EPHB2: variants seen among roughly 807,000 people sequenced by gnomAD.
EPHB2 encodes the protein ephrin type-B receptor 2.
EPHB2 carries 18 observed loss-of-function variants against 96.4 expected under a neutral mutation model. The observed-to-expected ratio is 0.19, with a 90% CI of 0.13 to 0.28. The LOEUF (loss-of-function observed/expected upper bound fraction) is 0.28. Among genes scored for constraint, EPHB2 ranks in the 10% least tolerant of loss-of-function variants. The pLI, the probability that EPHB2 is intolerant of heterozygous loss-of-function variation, is 1.00. For synonymous variants in EPHB2, 506 were observed against 534.1 expected, an observed-to-expected ratio of 0.95 and a Z score of 0.72; for missense variants, 989 against 1,355.4, an observed-to-expected ratio of 0.73 and a Z score of 4.25.
intron 3 of EPHB2, among the ~76,000 whole-genome samples, chr1:22,787,556 C>G (rs1644630315): frequency 6.6e-6 from 1 of 152,078 alleles, no homozygotes; most frequent in African/African-American, 2.4e-5. Context: ...TTCAGACCAA[C>G]CTGGGCAACA....
intron 1 of EPHB2, among the ~76,000 whole-genome samples, chr1:22,758,407 G>A (rs1279388127): frequency 1.3e-5 from 2 of 151,968 alleles, no homozygotes; most frequent in African/African-American, 2.4e-5. Flanking sequence ...CTAGGCAGTT[G>A]GATGATATGG....
chr1:22,900,483 G>A (rs1323957175), intron 9 of EPHB2, among the ~76,000 whole-genome samples: 2 of 152,038 alleles, frequency 1.3e-5, no homozygotes, highest in African/African-American at 2.4e-5. Flanking sequence ...GGAAACTGAG[G>A]CACAGAGGTT....
At chr1:22,908,785 G>A (rs1639997918) in intron 12 of EPHB2, among the ~76,000 whole-genome samples, 1 of 152,210 alleles carries the variant, frequency 6.6e-6, no homozygotes, top group South Asian at 2.1e-4. Flanking sequence ...TGGGAGCTCA[G>A]AAAGGCTTTT....
chr1:22,729,291 G>A (rs1643652275), intron 1 of EPHB2, among the ~76,000 whole-genome samples: 1 of 152,182 alleles, frequency 6.6e-6, no homozygotes, highest in Non-Finnish European at 1.5e-5. Flanking sequence ...CTTTTGTCTT[G>A]AAATCTCCAA....
chr1:22,753,884 G>A (rs1251020711), intron 1 of EPHB2, among the ~76,000 whole-genome samples: 1 of 152,110 alleles, frequency 6.6e-6, no homozygotes, highest in African/African-American at 2.4e-5. Flanking sequence ...GTGGTGAAAG[G>A]GCCTTCCCCA....
At chr1:22,853,358 G>A (rs774393787) in intron 3 of EPHB2, among the ~76,000 whole-genome samples, 7 of 152,152 alleles carry the variant, frequency 4.6e-5, no homozygotes, top group African/African-American at 1.2e-4. Context: ...AGCCTCTATC[G>A]ATCACCTCTC....
In EPHB2 at chr1:22,797,192, C is replaced by T. The variant is rs116744037; in HGVS notation, c.811+12116C>T. 4.4e-3 allele frequency among the ~76,000 whole-genome samples: 672 copies of T among 152,276 alleles called. 6 individuals are homozygous for T. Among genetic ancestry groups the T allele is most frequent in the African/African-American group, 0.015 (626 of 41,542 alleles). ...TTGGTTTGATTCTGAAGCCCCCTTG[C>T]TGCTGACTCCCGTTCCTAGGGCTCA... On this transcript the variant is annotated intron_variant, in intron 3 of 15. Transcript: ENST00000374630.
In EPHB2 at chr1:22,756,129, G is replaced by A. The variant is rs937953412; in HGVS notation, c.62-25292G>A. ...CTTCTGGGGCGGGGATGGGCTGGGG[G>A]TCCATCAGGCTGGAAGGGGCGGCTG... On this transcript the variant is annotated intron_variant, in intron 1 of 15. Coordinates refer to ENST00000374630, the MANE Select transcript of EPHB2 (RefSeq NM_017449.5). Among the ~76,000 whole-genome samples the A allele has an allele frequency of 7.2e-5, 11 of 152,146 alleles. No homozygotes were observed. In the East Asian group the frequency reaches 1.7e-3, roughly 24 times the overall value.
At chr1:22,747,773 C>T (rs1570201005) in intron 1 of EPHB2, among the ~76,000 whole-genome samples, 1 of 152,240 alleles carries the variant, frequency 6.6e-6, no homozygotes, top group East Asian at 1.9e-4. Context: ...GTGGCTTGAG[C>T]TCTAGAACCC....
intron 3 of EPHB2, among the ~76,000 whole-genome samples, chr1:22,810,341 C>A (rs1034342976): frequency 5.9e-5 from 9 of 152,156 alleles, no homozygotes; most frequent in Non-Finnish European, 1.0e-4. Context: ...TTCCTGTGCC[C>A]CACAGTGGTG....
At chr1:22,825,882 G>C (rs994367771) in intron 3 of EPHB2, among the ~76,000 whole-genome samples, 17 of 152,236 alleles carry the variant, frequency 1.1e-4, no homozygotes, top group Non-Finnish European at 1.2e-4. Flanking sequence ...GGATCGTCTG[G>C]GGGGATGCTG....
chr1:22,781,463 G>T lies in EPHB2; in HGVS notation c.104G>T (p.Trp35Leu), dbSNP rs1221917769. 6.2e-7 allele frequency: 1 copy of T among 1,614,076 alleles called. No individual in the cohort carries two copies. The highest frequency in any genetic ancestry group is 8.5e-7 in the Non-Finnish European group (1 of 1,179,994). ...DSTTATAELG[W>L]MVHPPSGWEE... ...ACTACAGCGACTGCTGAGCTGGGCT[G>T]GATGGTGCATCCTCCATCAGGGGTG... is the stretch of plus-strand genomic sequence containing the variant. The change falls in exon 2 of 16, where the codon TGG (tryptophan) becomes TTG (leucine). Residue 35 changes from tryptophan (W) to leucine (L), a missense_variant. By Grantham distance (61) the Trp-to-Leu change is moderately conservative. Coordinates refer to ENST00000374630, the MANE Select transcript of EPHB2 (RefSeq NM_017449.5).
At chr1:22,755,582 G>A (rs4655101) in intron 1 of EPHB2, among the ~76,000 whole-genome samples, 140,859 of 152,092 alleles carry the variant, frequency 0.93, 66,187 homozygotes, top group East Asian at 1. Context: ...TCACTAGGAG[G>A]GGCTTCTGGG....
chr1:22,761,718 C>T (rs952070017), intron 1 of EPHB2, among the ~76,000 whole-genome samples: 1 of 152,250 alleles, frequency 6.6e-6, no homozygotes, highest in African/African-American at 2.4e-5. Flanking sequence ...CCTGGACGCC[C>T]TTCCCTGCCA....
chr1:22,720,119 G>A (rs904611908), intron 1 of EPHB2, among the ~76,000 whole-genome samples: 22 of 152,108 alleles, frequency 1.4e-4, no homozygotes, highest in African/African-American at 4.3e-4. Flanking sequence ...TCTAGACTGC[G>A]CCTCTATCCA....
At chr1:22,804,504 G>A (rs112614798) in intron 3 of EPHB2, among the ~76,000 whole-genome samples, 32 of 152,184 alleles carry the variant, frequency 2.1e-4, no homozygotes, top group Non-Finnish European at 2.8e-4. Flanking sequence ...GAAAGCGCAC[G>A]CTCACACCCA....
chr1:22,835,740 C>T (rs1645371915), intron 3 of EPHB2: 1 of 152,228 alleles, frequency 6.6e-6, no homozygotes, highest in East Asian at 1.9e-4. Context: ...TGACACCACA[C>T]ACGTTCACAC....
intron 1 of EPHB2, among the ~76,000 whole-genome samples, chr1:22,754,519 G>A (rs761264129): frequency 4.0e-5 from 6 of 151,806 alleles, no homozygotes; most frequent in Non-Finnish European, 8.8e-5. Flanking sequence ...TGAGACCAGG[G>A]CTCAGGGGAC....
chr1:22,731,797 GC>G (rs1345961270), intron 1 of EPHB2, among the ~76,000 whole-genome samples: 3 of 152,176 alleles, frequency 2.0e-5, no homozygotes, highest in African/African-American at 7.2e-5. Flanking sequence ...CCAAGATCAC[GC>G]CACTGCACCC....
Sources: gnomAD v4.1 joint callset for allele counts (sites outside exome capture counted in the v4.1 genomes callset) on GRCh38, gnomAD v4.1.1 for gene constraint, MANE v1.5 for transcripts, NCBI Gene and HGNC (gene_info 2026-07-23, HGNC 2026-07-21) for gene names.